The following TRAPPC9 variants were observed in gnomAD, a reference collection of about 807,000 sequenced individuals.
The protein encoded by TRAPPC9 is trafficking protein particle complex subunit 9.
Under a neutral mutation model 124.0 loss-of-function variants are expected in TRAPPC9, and 83 were observed. The observed-to-expected ratio is 0.67, with a 90% CI of 0.56 to 0.80. The LOEUF (loss-of-function observed/expected upper bound fraction) is 0.80. Among genes scored for constraint, TRAPPC9 ranks in the 30% least tolerant of loss-of-function variants. The pLI is 0.00. For missense variants in TRAPPC9, 1,302 were observed against 1,508.3 expected, an observed-to-expected ratio of 0.86 and a Z score of 2.27; for synonymous variants, 638 against 617.5, an observed-to-expected ratio of 1.03 and a Z score of -0.49.
intron 21 of TRAPPC9, among the ~76,000 whole-genome samples, chr8:139,732,673 G>A (rs777502133): frequency 8.5e-5 from 13 of 152,240 alleles, no homozygotes; most frequent in Non-Finnish European, 1.6e-4. Flanking sequence ...CACCCCAGGA[G>A]GTGGTGTCTT....
At chr8:139,792,934 G>A (rs1822801454) in intron 21 of TRAPPC9, among the ~76,000 whole-genome samples, 1 of 152,242 alleles carries the variant, frequency 6.6e-6, no homozygotes, top group Admixed American at 6.5e-5. Flanking sequence ...GACGGAGCTG[G>A]CAGGTGGCAG....
intron 17 of TRAPPC9, among the ~76,000 whole-genome samples, chr8:140,034,684 T>C (rs1455833600): frequency 6.6e-6 from 1 of 152,262 alleles, no homozygotes; most frequent in East Asian, 1.9e-4. Context: ...AGGCTCATAC[T>C]GTGCTCCAGG....
intron 21 of TRAPPC9, among the ~76,000 whole-genome samples, chr8:139,792,612 C>T (rs1822776451): frequency 6.6e-6 from 1 of 152,172 alleles, no homozygotes; most frequent in Admixed American, 6.5e-5. Context: ...AGCCTAGAAG[C>T]CCTGCTACCC....
chr8:140,377,411 G>A (rs529522485), intron 7 of TRAPPC9, among the ~76,000 whole-genome samples: 8 of 152,048 alleles, frequency 5.3e-5, no homozygotes, highest in East Asian at 1.9e-4. Context: ...CAATTCTCCC[G>A]CCTCAGCCTC....
At chr8:140,223,904 T>C (rs1354128065) in intron 16 of TRAPPC9, among the ~76,000 whole-genome samples, 3 of 152,230 alleles carry the variant, frequency 2.0e-5, no homozygotes, top group Non-Finnish European at 2.9e-5. Context: ...TAAATTATCT[T>C]ACGTTAAAAA....
chr8:140,075,637 T>C (rs987560372), intron 17 of TRAPPC9, among the ~76,000 whole-genome samples: 1 of 152,242 alleles, frequency 6.6e-6, no homozygotes, highest in Non-Finnish European at 1.5e-5. Flanking sequence ...GTATATTATA[T>C]GCACGTCAGT....
chr8:139,890,108 C>T (rs191954087), intron 20 of TRAPPC9, among the ~76,000 whole-genome samples: 373 of 152,370 alleles, frequency 2.4e-3, no homozygotes, highest in Non-Finnish European at 2.7e-3. Flanking sequence ...CAGCGCCCTG[C>T]AGCTCCTTTA....
chr8:140,025,588 A>G (rs1840095468), intron 17 of TRAPPC9, among the ~76,000 whole-genome samples: 1 of 152,024 alleles, frequency 6.6e-6, no homozygotes, highest in African/African-American at 2.4e-5. Context: ...AAAGAAAAGA[A>G]AAAGGAAAAA....
At chr8:140,180,466 C>T (rs1211796674) in intron 17 of TRAPPC9, among the ~76,000 whole-genome samples, 1 of 151,896 alleles carries the variant, frequency 6.6e-6, no homozygotes, top group African/African-American at 2.4e-5. Flanking sequence ...CGTAAAAATT[C>T]AAAAATAAAT....
At position 140,221,598 on chromosome 8, in the gene TRAPPC9, C is replaced by G; in HGVS notation, c.2432-15G>C. ...ACTGATTCCATCTACAAAATAAGAACAAAAATCATAAGTAACACGTCAGCT... is the reference window on the plus strand; with the variant it reads ...ACTGATTCCATCTACAAAATAAGAAGAAAAATCATAAGTAACACGTCAGCT... On this transcript the variant is annotated splice_polypyrimidine_tract_variant and intron_variant, in intron 16 of 22. Transcript: ENST00000438773. 2.5e-6 allele frequency: 4 copies of G among 1,612,344 alleles called. 1 individual carries two copies. Among genetic ancestry groups the G allele is most frequent in the Non-Finnish European group, 3.4e-6 (4 of 1,178,934 alleles).
chr8:140,179,950 T>G (rs1398639650), intron 17 of TRAPPC9, among the ~76,000 whole-genome samples: 1 of 150,506 alleles, frequency 6.6e-6, no homozygotes, highest in African/African-American at 2.4e-5. Context: ...TATGTTTTTA[T>G]ATTTAAATGA....
chr8:139,893,323 G>A (rs1232972305), intron 20 of TRAPPC9, among the ~76,000 whole-genome samples: 4 of 152,188 alleles, frequency 2.6e-5, no homozygotes, highest in African/African-American at 9.7e-5. Context: ...AGCTCTTCCT[G>A]GAATGTCCCT....
At chr8:140,446,171 G>A (rs1366612335) in intron 2 of TRAPPC9, among the ~76,000 whole-genome samples, 5 of 151,836 alleles carry the variant, frequency 3.3e-5, no homozygotes, top group Admixed American at 2.6e-4. Context: ...GCACATGCCT[G>A]TAATCCCAGC....
chr8:139,856,755 A>G (rs1289504931), intron 21 of TRAPPC9, among the ~76,000 whole-genome samples: 1 of 149,956 alleles, frequency 6.7e-6, no homozygotes, highest in Non-Finnish European at 1.5e-5. Context: ...AAAAAACCCA[A>G]GTGTTGAAGG....
intron 19 of TRAPPC9, among the ~76,000 whole-genome samples, chr8:139,937,907 G>A (rs376188503): frequency 9.2e-5 from 14 of 152,250 alleles, no homozygotes; most frequent in African/African-American, 2.9e-4. Flanking sequence ...TCAGGACGCC[G>A]ACAGGTGAAA....
At chr8:139,775,080 G>A (rs1821268555) in intron 21 of TRAPPC9, among the ~76,000 whole-genome samples, 1 of 152,206 alleles carries the variant, frequency 6.6e-6, no homozygotes, top group Non-Finnish European at 1.5e-5. Flanking sequence ...GGCCCAGGAA[G>A]CATCCTTGGG....
intron 19 of TRAPPC9, among the ~76,000 whole-genome samples, chr8:139,918,527 C>T (rs1237482036): frequency 3.3e-5 from 5 of 152,216 alleles, no homozygotes; most frequent in South Asian, 2.1e-4. Flanking sequence ...CCGGCCAGAG[C>T]GAGGGGCCCT....
intron 21 of TRAPPC9, among the ~76,000 whole-genome samples, chr8:139,795,628 C>T (rs1284204728): frequency 6.6e-6 from 1 of 152,154 alleles, no homozygotes; most frequent in Non-Finnish European, 1.5e-5. Context: ...TTACAGTCAT[C>T]ATTTGGCATC....
Position 140,311,903 on chromosome 8 carries a change from G to A in TRAPPC9, c.1496-529C>T, listed in dbSNP as rs926662081. On this transcript the variant is annotated intron_variant, in intron 9 of 22. Transcript: ENST00000438773. Reference sequence around the variant, plus strand: ...CTGCCCCCATCCCTTTCACAAGGAGGGAGGAAAAGAGGACACAGGTGATAA... The same window carrying A: ...CTGCCCCCATCCCTTTCACAAGGAGAGAGGAAAAGAGGACACAGGTGATAA... Among the ~76,000 whole-genome samples the A allele has an allele frequency of 5.3e-5, 8 of 152,260 alleles. No homozygotes were observed. In the South Asian group the frequency reaches 8.3e-4, roughly 16 times the overall value.
Sources: gnomAD v4.1 joint callset for allele counts (sites outside exome capture counted in the v4.1 genomes callset) on GRCh38, gnomAD v4.1.1 for gene constraint, MANE v1.5 for transcripts, NCBI Gene and HGNC (gene_info 2026-07-23, HGNC 2026-07-21) for gene names.